Variants in LAMP2 observed in about 807,000 individuals in gnomAD.
LAMP2 encodes the protein lysosome associated membrane protein 2.
LAMP2 carries 4 observed loss-of-function variants against 25.6 expected under a neutral mutation model. The ratio of observed to expected loss-of-function variants is 0.16; its 90% CI spans 0.08 to 0.36. The LOEUF is 0.36. Ranked by LOEUF, LAMP2 falls within the 10% of genes least tolerant of loss-of-function variation. The pLI is 1.00. For synonymous variants in LAMP2, 108 were observed against 112.7 expected (o/e 0.96, Z 0.27); for missense variants, 272 against 301.4 (o/e 0.90, Z 0.72).
chrX:120,466,840 C>CTTTT (rs916102893), intron 1 of LAMP2, among the ~76,000 whole-genome samples: 1 of 81,533 alleles, frequency 1.2e-5, no homozygotes, highest in Non-Finnish European at 2.2e-5. Flanking sequence ...CAAATAACTT[C>CTTTT]TTTTTTTTTT....
Position 120,430,175 on chromosome X carries a change from G to A in LAMP2, c.*1148C>T. ...AATACTTCAATGTGGAAGTCTTCTA[G>A]TCTATTAAGCCTTCCTTCTTTATCT... is the stretch of plus-strand genomic sequence containing the variant. On this transcript the variant is annotated 3_prime_UTR_variant, in exon 9 of 9. Transcript: ENST00000200639. The A allele has an allele frequency of 1.3e-6, 1 of 749,294 alleles. No homozygotes were observed. Among genetic ancestry groups the A allele is most frequent in the Non-Finnish European group, 1.6e-6 (1 of 634,553 alleles). The allele number at this position is 749,294 out of a possible 1,213,427, so 61.8% of individuals were successfully genotyped here.
In LAMP2 at chrX:120,430,506, TTCTA is replaced by T. The variant is rs2058518567; in HGVS notation, c.*813_*816del. 1 of 748,809 alleles carries T rather than the reference TTCTA, an allele frequency of 1.3e-6. No homozygotes were observed. The highest frequency in any genetic ancestry group is 1.6e-6 in the Non-Finnish European group (1 of 634,908). The allele number at this position is 748,809 out of a possible 1,213,427, so 61.7% of individuals were successfully genotyped here. On this transcript the variant is annotated 3_prime_UTR_variant, in exon 9 of 9. Coordinates refer to ENST00000200639, the MANE Select transcript of LAMP2 (RefSeq NM_002294.3). ...CTGTCCTAATTAGTTCATAGAATAT[TTCTA>T]TCTTTCAATACTAATCAGGCATCCA... is the stretch of plus-strand genomic sequence containing the variant.
intron 3 of LAMP2, among the ~76,000 whole-genome samples, chrX:120,450,146 T>C (rs1412681293): frequency 3.6e-5 from 4 of 112,377 alleles, no homozygotes; most frequent in Non-Finnish European, 3.8e-5. Flanking sequence ...TTAAAGATGA[T>C]TCCATTTCAG....
intron 8 of LAMP2, chrX:120,438,999 T>C (rs1483165936): frequency 1.9e-6 from 2 of 1,071,492 alleles, no homozygotes; most frequent in African/African-American, 3.8e-5. Flanking sequence ...AACTAATTTG[T>C]AGTTGATAGT....
intron 6 of LAMP2, among the ~76,000 whole-genome samples, chrX:120,443,697 ACCCAG>A (rs2058583633): frequency 8.9e-6 from 1 of 112,054 alleles, no homozygotes; most frequent in African/African-American, 3.2e-5. Flanking sequence ...GGCTTGAACT[ACCCAG>A]CCATGGACTT....
Position 120,441,907 on chromosome X carries a change from G to C in LAMP2, c.929-13C>G. 1.7e-6 allele frequency: 2 copies of C among 1,200,418 alleles called. No individual in the cohort carries two copies. Among genetic ancestry groups the C allele is most frequent in the Non-Finnish European group, 2.3e-6 (2 of 885,371 alleles). ...GCAATGCTGAAAACTTCAAAGAAAA[G>C]AAACAGGTTAGTAACTTCTTATCCT... is the stretch of plus-strand genomic sequence containing the variant. On this transcript the variant is annotated splice_polypyrimidine_tract_variant and intron_variant, in intron 7 of 8. Transcript: ENST00000200639.
At position 120,438,722 on chromosome X, in the gene LAMP2, ACACACACAC is replaced by A. The variant is rs1569367201; in HGVS notation, c.1093+2999_1093+3007del. On this transcript the variant is annotated intron_variant, in intron 8 of 8. Coordinates refer to ENST00000200639, the MANE Select transcript of LAMP2 (RefSeq NM_002294.3). ...CACACACACACACACACACACACACACACACACACAAAAAGAGCAAAAGGAGCAAGTACA... is the reference window on the plus strand; with the variant it reads ...CACACACACACACACACACACACACAAAAAAGAGCAAAAGGAGCAAGTACA... The A allele has an allele frequency of 1.4e-5, 11 of 795,359 alleles. 1 individual carries two copies. Among genetic ancestry groups the A allele is most frequent in the South Asian group, 5.1e-5 (1 of 19,707 alleles). 65.5% of individuals were successfully genotyped at this position (795,359 alleles called of 1,213,427 possible). A position where few individuals can be genotyped will look rare whatever the true frequency, so the allele number is the denominator to read the frequency against.
chrX:120,452,713 C>CTTTT (rs768340777), intron 3 of LAMP2, among the ~76,000 whole-genome samples: 16 of 67,660 alleles, frequency 2.4e-4, no homozygotes, highest in East Asian at 4.8e-4. Flanking sequence ...CCACACCTGG[C>CTTTT]TTTTTTTTTT....
At chrX:120,435,425 T>C (rs2058539063) in intron 8 of LAMP2, among the ~76,000 whole-genome samples, 1 of 111,687 alleles carries the variant, frequency 9.0e-6, no homozygotes, top group African/African-American at 3.3e-5. Context: ...TTTAACATTA[T>C]CTACCTAAAT....
chrX:120,468,894 C>G (rs1201308169), intron 1 of LAMP2, among the ~76,000 whole-genome samples: 1 of 111,664 alleles, frequency 9.0e-6, no homozygotes, highest in Admixed American at 9.5e-5. Context: ...TTACCGGCCC[C>G]TTCTTACTCT....
At chrX:120,468,939 G>A (rs1921651517) in intron 1 of LAMP2, among the ~76,000 whole-genome samples, 167 bp downstream of exon 1, 1 of 111,558 alleles carries the variant, frequency 9.0e-6, no homozygotes, top group African/African-American at 3.3e-5. Flanking sequence ...CGTCGGTCAG[G>A]CCTTCTCTAG....
At chrX:120,437,399 C>T in intron 8 of LAMP2, 1 of 702,313 alleles carries the variant, frequency 1.4e-6, no homozygotes, top group South Asian at 7.7e-5. Context: ...ATGGGAGGCA[C>T]ATAATCCCAC....
rs982751526 is a variant in LAMP2, at chrX:120,428,945, C to T, written c.*2378G>A. On this transcript the variant is annotated 3_prime_UTR_variant, in exon 9 of 9. Coordinates refer to ENST00000200639, the MANE Select transcript of LAMP2 (RefSeq NM_002294.3). ...AGGAGCCATCATCTACACTTAAAAC[C>T]ACTGCCTGTGTATTTCCCTACTCTC... 1.2e-4 allele frequency: 86 copies of T among 740,266 alleles called. No individual in the cohort carries two copies. Among genetic ancestry groups the T allele is most frequent in the Non-Finnish European group, 1.3e-4 (82 of 629,414 alleles). The allele number at this position is 740,266 out of a possible 1,213,427, so 61.0% of individuals were successfully genotyped here.
At chrX:120,437,253 A>T in intron 8 of LAMP2, 1 of 732,385 alleles carries the variant, frequency 1.4e-6, no homozygotes, top group African/African-American at 2.3e-5. Context: ...ACTCAGTTAT[A>T]TTGTTATAAA....
chrX:120,444,011 AGAAG>A (rs768928726), intron 6 of LAMP2, among the ~76,000 whole-genome samples: 347 of 109,378 alleles, frequency 3.2e-3, no homozygotes, highest in Middle Eastern at 0.014. Context: ...AAAAGAAGAA[AGAAG>A]GAAGGAAGGA....
chrX:120,429,499 C>T lies in LAMP2; in HGVS notation c.*1824G>A. 1 of 733,377 alleles carries T rather than the reference C, an allele frequency of 1.4e-6. No individual in the cohort carries two copies. 60.4% of individuals were successfully genotyped at this position (733,377 alleles called of 1,213,427 possible). A position where few individuals can be genotyped will look rare whatever the true frequency, so the allele number is the denominator to read the frequency against. On this transcript the variant is annotated 3_prime_UTR_variant, in exon 9 of 9. Transcript: ENST00000200639. ...ATCAAGAGGTCAACAAGTATTCATT[C>T]TCTTCTCTTTTCCTCTTATGCTCAT... is the stretch of plus-strand genomic sequence containing the variant.
chrX:120,431,480 A>G lies in LAMP2; in HGVS notation c.1094-18T>C, dbSNP rs760674875. On this transcript the variant is annotated intron_variant, in intron 8 of 8. Transcript: ENST00000200639. Reference sequence around the variant, plus strand: ...GTCTTGAGCTAGATGTGGAGAAAGGACAATTGAGAACAGAAACAGTGACAA... The same window carrying G: ...GTCTTGAGCTAGATGTGGAGAAAGGGCAATTGAGAACAGAAACAGTGACAA... The G allele has an allele frequency of 1.3e-5, 15 of 1,168,564 alleles. No homozygotes were observed. The South Asian group carries it at 2.7e-4, about 21-fold the overall frequency.
At chrX:120,436,164 A>T (rs867944831) in intron 8 of LAMP2, among the ~76,000 whole-genome samples, 7 of 85,688 alleles carry the variant, frequency 8.2e-5, no homozygotes, top group East Asian at 3.7e-4. Context: ...ACACACACAC[A>T]CACACACTCT....
At chrX:120,469,323 A>G (rs999307628), upstream of LAMP2, 43 of 520,684 alleles carry the variant, frequency 8.3e-5, no homozygotes, top group Non-Finnish European at 9.9e-5. Context: ...AGTGCGAGTC[A>G]TAAGACTAGG....
Sources: gnomAD v4.1 joint callset for allele counts (sites outside exome capture counted in the v4.1 genomes callset) on GRCh38, gnomAD v4.1.1 for gene constraint, MANE v1.5 for transcripts, NCBI Gene and HGNC (gene_info 2026-07-23, HGNC 2026-07-21) for gene names.